The following TAF3 variants were observed in gnomAD, a reference collection of about 807,000 sequenced individuals.
TAF3 encodes TATA-box binding protein associated factor 3.
A neutral mutation model predicts 80.6 loss-of-function variants in TAF3; 7 were observed. The observed-to-expected ratio is 0.09, with a 90% CI of 0.05 to 0.16. The LOEUF (loss-of-function observed/expected upper bound fraction) is 0.16. Among genes scored for constraint, TAF3 ranks in the 10% least tolerant of loss-of-function variants. The probability of loss-of-function intolerance (pLI) is 1.00; values close to 1 mark genes in which losing one functional copy is unlikely to be tolerated. For synonymous variants in TAF3, 444 were observed against 446.1 expected, an observed-to-expected ratio of 1.00 and a Z score of 0.06; for missense variants, 921 against 1,140.2, an observed-to-expected ratio of 0.81 and a Z score of 2.77.
intron 4 of TAF3, among the ~76,000 whole-genome samples, chr10:8,003,911 A>ATTTT (rs548627140): frequency 1.4e-3 from 216 of 152,318 alleles, no homozygotes; most frequent in African/African-American, 4.7e-3. Flanking sequence ...ATTGCCAGTC[A>ATTTT]TTACCAAGTT....
chr10:8,011,888 A>G (rs1204889237), intron 5 of TAF3, among the ~76,000 whole-genome samples: 1 of 152,188 alleles, frequency 6.6e-6, no homozygotes, highest in Admixed American at 6.5e-5. Context: ...GTAGATGGAA[A>G]GCTTACTGGC....
Position 7,818,567 on chromosome 10 carries a change from G to A in TAF3, c.-143G>A. On this transcript the variant is annotated 5_prime_UTR_variant, in exon 1 of 7. Coordinates refer to ENST00000344293, the MANE Select transcript of TAF3 (RefSeq NM_031923.4). Reference sequence around the variant, plus strand: ...GGCTGGCGCGCTCCGTGCTGCTGGGGCTTTGAGGTGGTCGCCGGGGGTCCG... The same window carrying A: ...GGCTGGCGCGCTCCGTGCTGCTGGGACTTTGAGGTGGTCGCCGGGGGTCCG... The A allele has an allele frequency of 2.3e-6, 2 of 871,100 alleles. No individual in the cohort carries two copies. Among genetic ancestry groups the A allele is most frequent in the East Asian group, 3.2e-5 (1 of 31,060 alleles). The allele number at this position is 871,100 out of a possible 1,614,324, so 54.0% of individuals were successfully genotyped here.
chr10:8,011,444 GT>G (rs1454552164), intron 5 of TAF3, among the ~76,000 whole-genome samples: 1 of 151,976 alleles, frequency 6.6e-6, no homozygotes, highest in Non-Finnish European at 1.5e-5. Flanking sequence ...TTGTTTGTTT[GT>G]TTTTGGTTTT....
chr10:7,832,312 G>A (rs1836809161), intron 2 of TAF3, among the ~76,000 whole-genome samples: 1 of 151,986 alleles, frequency 6.6e-6, no homozygotes, highest in African/African-American at 2.4e-5. Flanking sequence ...TCTGTGCCTG[G>A]CTTACTTCAC....
intron 4 of TAF3, among the ~76,000 whole-genome samples, chr10:8,006,629 G>A (rs1015491370): frequency 5.9e-5 from 9 of 152,212 alleles, no homozygotes; most frequent in African/African-American, 1.9e-4. Flanking sequence ...AGAACAATTC[G>A]ACAGCAGTAA....
At chr10:7,999,617 C>T (rs559357691) in intron 4 of TAF3, among the ~76,000 whole-genome samples, 160 of 152,148 alleles carry the variant, frequency 1.1e-3, no homozygotes, top group Non-Finnish European at 2.1e-3. Context: ...CCACCATGCC[C>T]GGCTAATTTT....
chr10:7,986,653 C>A (rs1224235931), intron 4 of TAF3, among the ~76,000 whole-genome samples: 1 of 152,178 alleles, frequency 6.6e-6, no homozygotes, highest in Non-Finnish European at 1.5e-5. Context: ...CTTGTAACTT[C>A]CGCTCAGCAT....
chr10:7,842,690 C>T (rs138867373), intron 2 of TAF3, among the ~76,000 whole-genome samples: 332 of 152,258 alleles, frequency 2.2e-3, no homozygotes, highest in African/African-American at 7.6e-3. Flanking sequence ...CATGTTTTAA[C>T]TTTCTCCCCA....
chr10:7,967,513 C>T (rs944117050), intron 3 of TAF3, among the ~76,000 whole-genome samples: 3 of 152,144 alleles, frequency 2.0e-5, no homozygotes, highest in African/African-American at 7.2e-5. Context: ...GATACATGTT[C>T]TTGGATCAGT....
At chr10:7,870,410 CTT>C (rs1447188401) in intron 2 of TAF3, among the ~76,000 whole-genome samples, 1 of 152,150 alleles carries the variant, frequency 6.6e-6, no homozygotes, top group Non-Finnish European at 1.5e-5. Context: ...TTCCTAATTA[CTT>C]TTGTTTCTTT....
At chr10:7,883,471 T>C (rs1837380023) in intron 2 of TAF3, among the ~76,000 whole-genome samples, 1 of 152,226 alleles carries the variant, frequency 6.6e-6, no homozygotes, top group Non-Finnish European at 1.5e-5. Flanking sequence ...GACTTCCAGA[T>C]TTCTCCATTG....
chr10:7,928,271 C>T (rs76215284), intron 2 of TAF3, among the ~76,000 whole-genome samples: 2,574 of 152,196 alleles, frequency 0.017, 80 homozygotes, highest in African/African-American at 0.059. Context: ...ACTGCCGTGT[C>T]CCAGTACCTG....
At chr10:7,881,839 C>G (rs1837365205) in intron 2 of TAF3, among the ~76,000 whole-genome samples, 1 of 152,270 alleles carries the variant, frequency 6.6e-6, no homozygotes, top group East Asian at 1.9e-4. Flanking sequence ...TCTCTGTGCC[C>G]TAGTTAACGC....
chr10:7,888,246 T>G lies in TAF3; in HGVS notation c.409+63686T>G, dbSNP rs1382511251. 2.0e-5 allele frequency among the ~76,000 whole-genome samples: 3 copies of G among 152,318 alleles called. No homozygotes were observed. In the East Asian group the frequency reaches 5.8e-4, roughly 29 times the overall value. ...CTCCTAAAACACTGTCCAAGCACAT[T>G]TTTTTGCTTCTTTACTCCTTAACCT... On this transcript the variant is annotated intron_variant, in intron 2 of 6. Transcript: ENST00000344293.
chr10:7,925,468 A>T (rs988482966), intron 2 of TAF3, among the ~76,000 whole-genome samples: 1 of 152,214 alleles, frequency 6.6e-6, no homozygotes, highest in Admixed American at 6.5e-5. Context: ...TTCTTGTCTG[A>T]CTTTGATTAT....
At chr10:7,932,629 A>C (rs1300407143) in intron 2 of TAF3, among the ~76,000 whole-genome samples, 1 of 151,954 alleles carries the variant, frequency 6.6e-6, no homozygotes, top group Non-Finnish European at 1.5e-5. Flanking sequence ...CTTAGTCCAA[A>C]ATACAAGTGT....
chr10:7,847,893 C>T (rs978191063), intron 2 of TAF3, among the ~76,000 whole-genome samples: 1 of 152,096 alleles, frequency 6.6e-6, no homozygotes, highest in Non-Finnish European at 1.5e-5. Context: ...GCTGAGCCTC[C>T]CGAGTAGCTG....
intron 4 of TAF3, among the ~76,000 whole-genome samples, chr10:7,988,849 A>C (rs1170670143): frequency 6.6e-6 from 1 of 151,712 alleles, no homozygotes; most frequent in Admixed American, 6.6e-5. Context: ...CTGTTTTGGA[A>C]ATAAGTATCT....
Position 7,964,896 on chromosome 10 carries a change from C to T in TAF3, c.1386C>T (p.Asn462=), listed in dbSNP as rs768863523. The part of the protein sequence containing the change: ...PLSGGTSSSD[N]SWTMDASIDE... ...CCGGTGGAACCTCAAGTTCCGATAACTCATGGACAATGGATGCCTCCATTG... is the reference window on the plus strand; with the variant it reads ...CCGGTGGAACCTCAAGTTCCGATAATTCATGGACAATGGATGCCTCCATTG... Residue 462 remains asparagine, a synonymous_variant, in exon 3 of 7, where the codon AAC becomes AAT. Transcript: ENST00000344293. The surrounding 1 kb of genome is among the most constrained non-coding windows in gnomAD (Gnocchi z 4.1). 13 of 1,614,164 alleles carry T rather than the reference C, an allele frequency of 8.1e-6. No individual in the cohort carries two copies. Among genetic ancestry groups the T allele is most frequent in the African/African-American group, 1.3e-5 (1 of 75,036 alleles).
Sources: allele counts gnomAD v4.1 joint callset (sites outside exome capture counted in the v4.1 genomes callset), GRCh38; gene constraint gnomAD v4.1.1; non-coding constraint Gnocchi (gnomAD v3.1); transcripts MANE v1.5; gene names NCBI Gene and HGNC (gene_info 2026-07-23, HGNC 2026-07-21).